MAP3K14: variants seen among roughly 807,000 people sequenced by gnomAD.
MAP3K14 encodes NF-kappa-beta-inducing kinase.
A neutral mutation model predicts 99.2 loss-of-function variants in MAP3K14; 16 were observed. The observed-to-expected ratio is 0.16, with a 90% CI of 0.11 to 0.24. The LOEUF is 0.24. Among genes scored for constraint, MAP3K14 ranks in the 10% least tolerant of loss-of-function variants. MAP3K14 has a pLI of 1.00. For synonymous variants in MAP3K14, 462 were observed against 492.4 expected, an observed-to-expected ratio of 0.94 and a Z score of 0.82; for missense variants, 784 against 1,208.7, an observed-to-expected ratio of 0.65 and a Z score of 5.21.
At chr17:45,307,514 G>A (rs1050306350) in intron 1 of MAP3K14, among the ~76,000 whole-genome samples, 1 of 152,068 alleles carries the variant, frequency 6.6e-6, no homozygotes, top group Non-Finnish European at 1.5e-5. Context: ...TGAGATCATC[G>A]TTACAAGCAG....
chr17:45,275,233 C>T (rs923013110), intron 6 of MAP3K14, among the ~76,000 whole-genome samples: 1 of 151,970 alleles, frequency 6.6e-6, no homozygotes. Context: ...GAGGCTGAGG[C>T]GGGTGGATCA....
chr17:45,312,420 C>T (rs1216539824), intron 1 of MAP3K14, among the ~76,000 whole-genome samples: 1 of 152,172 alleles, frequency 6.6e-6, no homozygotes, highest in Non-Finnish European at 1.5e-5. Flanking sequence ...AGAAATGACT[C>T]TTCGGCCATC....
chr17:45,306,507 T>C (rs1237925919), intron 1 of MAP3K14, among the ~76,000 whole-genome samples: 1 of 152,166 alleles, frequency 6.6e-6, no homozygotes, highest in Non-Finnish European at 1.5e-5. Context: ...GCTGGACTTG[T>C]GGTGGGCCTG....
rs1472158400 is a variant in MAP3K14, at chr17:45,264,719, C to T, written c.2761G>A (p.Asp921Asn). 1.9e-6 allele frequency: 3 copies of T among 1,611,342 alleles called. No homozygotes were observed. Among genetic ancestry groups the T allele is most frequent in the Non-Finnish European group, 2.5e-6 (3 of 1,178,788 alleles). The change falls in exon 16 of 16, where the codon GAC becomes AAC. Residue 921 changes from aspartate (D) to asparagine (N), a missense_variant. By Grantham distance (23) the Asp-to-Asn change is conservative (BLOSUM62 1). This residue lies in a region of MAP3K14 where 130 missense variants were observed against 220.4 expected (regional missense o/e 0.59). Transcript: ENST00000344686. Reference protein sequence around the residue: ...YDMEVPDSGIDLQCTLAPDGS... With the variant: ...YDMEVPDSGINLQCTLAPDGS... ...TCAGGGGCCAGTGTGCACTGCAGGTCGATGCCCGAGTCTGGCACCTCCATG... is the reference window on the plus strand; with the variant it reads ...TCAGGGGCCAGTGTGCACTGCAGGTTGATGCCCGAGTCTGGCACCTCCATG...
rs1598236791 is a variant in MAP3K14, at chr17:45,265,235, A to G, written c.2607T>C (p.Asn869=). ...NGVKVQIQSL[N]GEHLHIREFH... The stretch of plus-strand genomic sequence containing the variant: ...ACTCCCGGATGTGCAGGTGTTCACC[A>G]TTAAGAGACTGTATTTGGACTTTCA... Residue 869 remains asparagine (N), a synonymous_variant, in exon 15 of 16, where the codon AAT becomes AAC. Coordinates refer to ENST00000344686, the MANE Select transcript of MAP3K14 (RefSeq NM_003954.5). The G allele has an allele frequency of 6.2e-7, 1 of 1,613,806 alleles. No individual in the cohort carries two copies. Among genetic ancestry groups the G allele is most frequent in the Non-Finnish European group, 8.5e-7 (1 of 1,179,802 alleles).
intron 6 of MAP3K14, among the ~76,000 whole-genome samples, chr17:45,279,963 C>G (rs1463294263): frequency 2.0e-5 from 3 of 152,180 alleles, no homozygotes; most frequent in African/African-American, 7.2e-5. Flanking sequence ...CTGAAGGCTG[C>G]TCACCTTTAC....
chr17:45,284,211 C>T (rs530655369), intron 6 of MAP3K14, among the ~76,000 whole-genome samples: 76 of 152,316 alleles, frequency 5.0e-4, no homozygotes, highest in African/African-American at 1.6e-3. Flanking sequence ...GGTTGAAAGC[C>T]GAACTCTCAG....
rs367798756 is a variant in MAP3K14 at position 45,264,751 on chromosome 17, C to T, written c.2729G>A (p.Arg910His). Residue 910 changes from arginine (R) to histidine (H), a missense_variant, in exon 16 of 16, where the codon CGC becomes CAC. By Grantham distance (29) the Arg-to-His change is conservative. Around this residue, in one of 5 missense-constraint regions of MAP3K14, gnomAD observed 130 missense variants for 220.4 expected, o/e 0.59. Transcript: ENST00000344686. ...SLVTKDGQPV[R>H]YDMEVPDSGI... ...CGAGTCTGGCACCTCCATGTCGTAG[C>T]GAACAGGCTGCCCGTCTTTGGTGAC... 25 of 1,613,252 alleles carry T rather than the reference C, an allele frequency of 1.5e-5. No homozygotes were observed. Among genetic ancestry groups the T allele is most frequent in the East Asian group, 2.2e-5 (1 of 44,884 alleles).
rs1189143349 is a variant in MAP3K14, at chr17:45,266,519, G to A, written c.2578+18C>T. The A allele has an allele frequency of 6.3e-7, 1 of 1,593,508 alleles. No homozygotes were observed. Among genetic ancestry groups the A allele is most frequent in the South Asian group, 1.1e-5 (1 of 90,378 alleles). On this transcript the variant is annotated intron_variant, in intron 14 of 15. Coordinates refer to ENST00000344686, the MANE Select transcript of MAP3K14 (RefSeq NM_003954.5). ...AGCTGCCACGGGGACTGCTGAGCAG[G>A]TGGGAATTGGACTGTACCATTGAAA...
chr17:45,285,672 A>G (rs983361533), intron 5 of MAP3K14, among the ~76,000 whole-genome samples: 15 of 151,826 alleles, frequency 9.9e-5, no homozygotes, highest in Admixed American at 9.9e-4. Flanking sequence ...AGTGGATGGA[A>G]TAAGACAGTG....
At position 45,267,029 on chromosome 17, in the gene MAP3K14, C is replaced by T. The variant is rs2044092106; in HGVS notation, c.2433+63G>A. The T allele has an allele frequency of 1.6e-6, 2 of 1,237,308 alleles. No individual in the cohort carries two copies. Among genetic ancestry groups the T allele is most frequent in the Admixed American group, 2.0e-5 (1 of 50,032 alleles). The allele number at this position is 1,237,308 out of a possible 1,614,324, so 76.6% of individuals were successfully genotyped here. A position where few individuals can be genotyped will look rare whatever the true frequency, so the allele number is the denominator to read the frequency against. ...CTAGCTGGACGCAAAGCTACTTGCT[C>T]TGTGCCAGGGCCGGGAAAACCACAC... On this transcript the variant is annotated intron_variant, in intron 13 of 15. Transcript: ENST00000344686. The surrounding 1 kb of genome is among the most constrained non-coding windows in gnomAD (Gnocchi z 5.1).
At chr17:45,303,556 A>T (rs1474611048) in intron 1 of MAP3K14, among the ~76,000 whole-genome samples, 3 of 152,168 alleles carry the variant, frequency 2.0e-5, no homozygotes, top group Admixed American at 2.0e-4. Flanking sequence ...GTGAGACTCC[A>T]TCTCAAAAAT....
chr17:45,280,999 TA>T (rs1307551078), intron 6 of MAP3K14, among the ~76,000 whole-genome samples: 1 of 152,150 alleles, frequency 6.6e-6, no homozygotes, highest in East Asian at 1.9e-4. Context: ...ACATGGCCGT[TA>T]AAAAGCATAA....
chr17:45,288,737 C>G (rs2044287944), intron 3 of MAP3K14, among the ~76,000 whole-genome samples: 1 of 152,130 alleles, frequency 6.6e-6, no homozygotes, highest in Non-Finnish European at 1.5e-5. Flanking sequence ...ACAGACTCAG[C>G]CCCACCCTGG....
intron 5 of MAP3K14, among the ~76,000 whole-genome samples, chr17:45,285,801 A>AG (rs2044259299): frequency 6.6e-6 from 1 of 151,838 alleles, no homozygotes; most frequent in Non-Finnish European, 1.5e-5. Flanking sequence ...ATTAAAAAAA[A>AG]TATAGCTGGG....
intron 6 of MAP3K14, 52 bp downstream of exon 6, chr17:45,284,760 C>T: frequency 2.6e-6 from 4 of 1,539,774 alleles, no homozygotes; most frequent in Non-Finnish European, 3.5e-6. Flanking sequence ...GGGAACACAC[C>T]AGGCCCCCTT....
intron 1 of MAP3K14, among the ~76,000 whole-genome samples, chr17:45,316,616 C>T (rs1433388125): frequency 6.6e-6 from 1 of 152,196 alleles, no homozygotes; most frequent in African/African-American, 2.4e-5. Flanking sequence ...CCTGGGGGCA[C>T]TGGGGCGCAG....
intron 10 of MAP3K14, 141 bp downstream of exon 10, chr17:45,270,917 G>C: frequency 8.3e-7 from 1 of 1,204,340 alleles, no homozygotes; most frequent in Non-Finnish European, 1.2e-6. Flanking sequence ...TGGGTGGCAA[G>C]TATTTGAATT....
At chr17:45,271,565 C>T (rs1239418160) in intron 9 of MAP3K14, among the ~76,000 whole-genome samples, 6 of 152,142 alleles carry the variant, frequency 3.9e-5, no homozygotes, top group Admixed American at 6.6e-5. Context: ...AGGCTGGTCT[C>T]GAACTCCTGA....
Sources: allele counts gnomAD v4.1 joint callset (sites outside exome capture counted in the v4.1 genomes callset), GRCh38; gene constraint gnomAD v4.1.1; regional missense constraint gnomAD v4.1.1; non-coding constraint Gnocchi (gnomAD v3.1); transcripts MANE v1.5; gene names NCBI Gene and HGNC (gene_info 2026-07-23, HGNC 2026-07-21).